Variants in NOX4 observed in about 807,000 individuals in gnomAD.
NOX4 encodes kidney oxidase-1.
A neutral mutation model predicts 87.6 loss-of-function variants in NOX4; 69 were observed. The observed-to-expected ratio is 0.79, with a 90% CI of 0.65 to 0.96. The LOEUF (loss-of-function observed/expected upper bound fraction) is 0.96. Among genes scored for constraint, NOX4 ranks in the 40% least tolerant of loss-of-function variants. The pLI is 0.00. For synonymous variants in NOX4, 275 were observed against 238.2 expected, an observed-to-expected ratio of 1.15 and a Z score of -1.42; for missense variants, 680 against 681.5, an observed-to-expected ratio of 1.00 and a Z score of 0.02.
chr11:89,494,172 T>A (rs1196644613), upstream of NOX4, among the ~76,000 whole-genome samples: 2 of 152,158 alleles, frequency 1.3e-5, no homozygotes, highest in Admixed American at 6.6e-5. Context: ...ATAAGAAAAT[T>A]CACACTTTCT....
At chr11:89,436,360 T>C (rs1225363753) in intron 6 of NOX4, among the ~76,000 whole-genome samples, 1 of 151,954 alleles carries the variant, frequency 6.6e-6, no homozygotes, top group Non-Finnish European at 1.5e-5. Flanking sequence ...ATTCCAAGAG[T>C]CTGAAAACAC....
chr11:89,334,619 TA>T (rs1469215057), intron 17 of NOX4, among the ~76,000 whole-genome samples: 1 of 151,748 alleles, frequency 6.6e-6, no homozygotes, highest in Non-Finnish European at 1.5e-5. Flanking sequence ...ATCCATTTAA[TA>T]AGCTGGCCTG....
chr11:89,570,185 G>T, the NOX4 span, among the ~76,000 whole-genome samples: 9 of 152,138 alleles, frequency 5.9e-5, no homozygotes, highest in African/African-American at 2.2e-4. Context: ...AAAAAAGAAC[G>T]AAGTCATGTC....
chr11:89,396,965 G>A (rs146902695), intron 11 of NOX4, among the ~76,000 whole-genome samples: 5,220 of 126,116 alleles, frequency 0.041, 171 homozygotes, highest in East Asian at 0.16. Flanking sequence ...TGCCCCAAGC[G>A]GACCTAATAG....
intron 7 of NOX4, among the ~76,000 whole-genome samples, chr11:89,422,795 ATTTTTTT>A (rs147956211): frequency 9.0e-6 from 1 of 110,980 alleles, no homozygotes; most frequent in African/African-American, 3.3e-5. Context: ...CAAAGTTCTG[ATTTTTTT>A]TTTTTTTTTT....
chr11:89,537,603 A>G, the NOX4 span, among the ~76,000 whole-genome samples: 9 of 152,102 alleles, frequency 5.9e-5, no homozygotes, highest in Non-Finnish European at 1.0e-4. Context: ...AGCAAAGCAT[A>G]GACACTCAGG....
intron 5 of NOX4, 82 bp from the exon 6 acceptor site, chr11:89,440,797 C>T (rs1944424013): frequency 1.4e-6 from 1 of 710,692 alleles, no homozygotes; most frequent in African/African-American, 1.9e-5. Flanking sequence ...GCAGGATCTA[C>T]AAACCACATA....
intron 17 of NOX4, among the ~76,000 whole-genome samples, chr11:89,333,969 C>T (rs928188617): frequency 6.6e-5 from 10 of 151,590 alleles, no homozygotes; most frequent in Middle Eastern, 3.4e-3. Context: ...CAAATATATA[C>T]ACACACACAC....
the NOX4 span, among the ~76,000 whole-genome samples, chr11:89,536,660 TTAC>T: frequency 6.6e-6 from 1 of 152,210 alleles, no homozygotes; most frequent in Non-Finnish European, 1.5e-5. Context: ...AGCACTATTA[TTAC>T]TACTTCTTCT....
chr11:89,455,453 T>C (rs1169818632), intron 2 of NOX4, among the ~76,000 whole-genome samples: 1 of 152,094 alleles, frequency 6.6e-6, no homozygotes, highest in Non-Finnish European at 1.5e-5. Context: ...TTTACAGCTA[T>C]GTATCCTCAG....
chr11:89,400,447 T>A, intron 9 of NOX4, 68 bp from the exon 10 acceptor site: 1 of 1,100,916 alleles, frequency 9.1e-7, no homozygotes, highest in Non-Finnish European at 1.3e-6. Context: ...CCCTGCCCAA[T>A]TGCTTATTGC....
intron 2 of NOX4, among the ~76,000 whole-genome samples, chr11:89,484,183 A>G (rs1217807797): frequency 1.3e-5 from 2 of 152,124 alleles, no homozygotes; most frequent in East Asian, 3.8e-4. Flanking sequence ...GATTCATTCT[A>G]ACTTCCAATT....
intron 8 of NOX4, among the ~76,000 whole-genome samples, chr11:89,413,180 T>A (rs1477523202): frequency 6.6e-6 from 1 of 152,072 alleles, no homozygotes; most frequent in Non-Finnish European, 1.5e-5. Flanking sequence ...CAACAACCAA[T>A]ACTGGTGAGA....
chr11:89,444,297 T>C, intron 4 of NOX4, 65 bp from the exon 5 acceptor site: 1 of 1,331,728 alleles, frequency 7.5e-7, no homozygotes, highest in Non-Finnish European at 1.1e-6. Context: ...AAGGACTCAG[T>C]TCTTCCTCTC....
At chr11:89,345,236 C>T (rs1946166353) in intron 13 of NOX4, among the ~76,000 whole-genome samples, 1 of 152,100 alleles carries the variant, frequency 6.6e-6, no homozygotes, top group African/African-American at 2.4e-5. Flanking sequence ...CACCATTCCC[C>T]CAGGAGCTAC....
At chr11:89,566,528 C>T in the NOX4 span, among the ~76,000 whole-genome samples, 11 of 152,146 alleles carry the variant, frequency 7.2e-5, no homozygotes, top group Admixed American at 3.3e-4. Context: ...TTTGGTAGGA[C>T]TTATCAGTGA....
intron 2 of NOX4, among the ~76,000 whole-genome samples, chr11:89,453,629 T>C (rs750781691): frequency 2.0e-5 from 3 of 152,216 alleles, no homozygotes; most frequent in African/African-American, 4.8e-5. Context: ...TTTGGATCAA[T>C]TTACACTTAT....
intron 8 of NOX4, among the ~76,000 whole-genome samples, chr11:89,420,165 G>A (rs1240247902): frequency 2.0e-5 from 3 of 152,094 alleles, no homozygotes; most frequent in Non-Finnish European, 4.4e-5. Flanking sequence ...ACTTCAACAA[G>A]CTGCTTAATC....
Position 89,340,132 on chromosome 11 carries a change from A to G in NOX4, c.1377T>C (p.Phe459=), listed in dbSNP as rs780553333. Residue 459 remains phenylalanine (F), a synonymous_variant, in exon 15 of 18, where the codon TTT becomes TTC. Transcript: ENST00000263317. ...WKPYKLRRLY[F]IWVCRDIQSF... The stretch of plus-strand genomic sequence containing the variant: ...ACTGGATATCTCTGCATACCCAAAT[A>G]AAGTATAGTCTTCTAAGCTTGTATG... The G allele has an allele frequency of 1.3e-6, 2 of 1,591,066 alleles. No individual in the cohort carries two copies. Among genetic ancestry groups the G allele is most frequent in the Non-Finnish European group, 1.7e-6 (2 of 1,172,384 alleles).
Sources: allele counts gnomAD v4.1 joint callset (sites outside exome capture counted in the v4.1 genomes callset), GRCh38; gene constraint gnomAD v4.1.1; transcripts MANE v1.5; gene names NCBI Gene and HGNC (gene_info 2026-07-23, HGNC 2026-07-21).